NDNF: variants seen among roughly 807,000 people sequenced by gnomAD.
NDNF encodes protein NDNF.
Under a neutral mutation model 42.0 loss-of-function variants are expected in NDNF, and 16 were observed. The ratio of observed to expected loss-of-function variants is 0.38; its 90% confidence interval spans 0.26 to 0.58. The LOEUF is 0.58. Among genes scored for constraint, NDNF ranks in the 20% least tolerant of loss-of-function variants. The pLI is 0.67. For missense variants in NDNF, 616 were observed against 666.2 expected (o/e 0.92, Z 0.83); for synonymous variants, 248 against 251.7 (o/e 0.99, Z 0.14).
chr4:121,065,444 G>GTT (rs1465927234), intron 1 of NDNF, among the ~76,000 whole-genome samples: 1 of 151,902 alleles, frequency 6.6e-6, no homozygotes, highest in Non-Finnish European at 1.5e-5. Context: ...ACCTTCGATT[G>GTT]TTTAAAAGAG....
chr4:121,042,364 T>G (rs576386470), intron 2 of NDNF, among the ~76,000 whole-genome samples: 3 of 152,162 alleles, frequency 2.0e-5, no homozygotes, highest in South Asian at 2.1e-4. Flanking sequence ...TACAAGTACT[T>G]CCCCCAGCCA....
chr4:121,040,114 C>T lies in NDNF; in HGVS notation c.189-60G>A, dbSNP rs1234277777. 4.0e-6 allele frequency: 6 copies of T among 1,491,954 alleles called. No homozygotes were observed. The African/African-American group carries it at 8.6e-5, about 21-fold the overall frequency. The allele number at this position is 1,491,954 out of a possible 1,614,324, so 92.4% of individuals were successfully genotyped here. ...TTCTTTCTAACATTTACAATCAAGA[C>T]TTACCAGAAAAATCATTTGGTTTTA... On this transcript the variant is annotated intron_variant, in intron 2 of 3. Coordinates refer to ENST00000379692, the MANE Select transcript of NDNF (RefSeq NM_024574.4).
rs981840975 is a variant in NDNF at position 121,040,000 on chromosome 4, G to T, written c.243C>A (p.Pro81=). 3 of 1,613,932 alleles carry T rather than the reference G, an allele frequency of 1.9e-6. No homozygotes were observed. In the African/African-American group the frequency reaches 4.0e-5, roughly 22 times the overall value. ...DNTPLSVTVT[P]CDAPLEWKLS... ...GCTTCCACTCCAAAGGCGCATCACA[G>T]GGCGTCACTGTGACTGATAATGGAG... Residue 81 remains proline, a synonymous_variant, in exon 3 of 4, where the codon CCC becomes CCA. Transcript: ENST00000379692.
chr4:121,069,912 A>G (rs1727561058), intron 1 of NDNF, among the ~76,000 whole-genome samples: 2 of 152,236 alleles, frequency 1.3e-5, no homozygotes, highest in Admixed American at 1.3e-4. Context: ...ATATAGGTTT[A>G]GATTGAAAAT....
At position 121,036,632 on chromosome 4, in the gene NDNF, G is replaced by A; in HGVS notation, c.1339C>T (p.Leu447Phe). 2 of 1,614,186 alleles carry A rather than the reference G, an allele frequency of 1.2e-6. No individual in the cohort carries two copies. Among genetic ancestry groups the A allele is most frequent in the South Asian group, 2.2e-5 (2 of 91,080 alleles). ...TRPTKQSFPS[L>F]PEDTRIKAFD... is the part of the protein sequence containing the mutation. ...GCTTTGATTCTTGTGTCTTCAGGAA[G>A]AGAGGGAAATGACTGCTTAGTAGGC... Residue 447 changes from leucine to phenylalanine, a missense_variant, in exon 4 of 4, where the codon CTT becomes TTT. Leu to Phe is a conservative substitution (Grantham distance 22). Coordinates refer to ENST00000379692, the MANE Select transcript of NDNF (RefSeq NM_024574.4).
chr4:121,043,920 G>A (rs1196587007), intron 2 of NDNF, among the ~76,000 whole-genome samples: 1 of 152,202 alleles, frequency 6.6e-6, no homozygotes, highest in Non-Finnish European at 1.5e-5. Context: ...TGACTGCTTT[G>A]TATGCCTTTT....
chr4:121,046,041 A>G (rs1727086395), intron 1 of NDNF, among the ~76,000 whole-genome samples: 1 of 152,198 alleles, frequency 6.6e-6, no homozygotes, highest in Non-Finnish European at 1.5e-5. Flanking sequence ...AAATAAATTC[A>G]CTAGAATTTC....
intron 3 of NDNF, 106 bp downstream of exon 3, chr4:121,039,824 T>G (rs1726964740): frequency 7.7e-7 from 1 of 1,305,178 alleles, no homozygotes; most frequent in Non-Finnish European, 1.0e-6. Context: ...GATTCACTTG[T>G]GCACCCATGC....
intron 1 of NDNF, among the ~76,000 whole-genome samples, chr4:121,046,853 T>C (rs1316899585): frequency 7.2e-5 from 11 of 152,188 alleles, no homozygotes; most frequent in Admixed American, 6.5e-4. Context: ...GGTAGGCAAG[T>C]TCCTTGACAT....
chr4:121,048,667 G>A (rs1158582807), intron 1 of NDNF, among the ~76,000 whole-genome samples: 1 of 152,018 alleles, frequency 6.6e-6, no homozygotes, highest in Non-Finnish European at 1.5e-5. Context: ...GCAAAACCCC[G>A]TCTCTACTAA....
chr4:121,064,486 G>A (rs1727466935), intron 1 of NDNF, among the ~76,000 whole-genome samples: 1 of 152,042 alleles, frequency 6.6e-6, no homozygotes, highest in African/African-American at 2.4e-5. Context: ...ATGTTGGATG[G>A]AACTTTTTAA....
At position 121,036,582 on chromosome 4, in the gene NDNF, G is replaced by A. The variant is rs746734949; in HGVS notation, c.1389C>T (p.Ser463=). The A allele has an allele frequency of 5.0e-6, 8 of 1,613,998 alleles. No individual in the cohort carries two copies. The Admixed American group carries it at 5.0e-5, about 10-fold the overall frequency. ...TGCCTAGCCAAGCCACGGTGGCTGAGGAACAGGTACGGAGCTTGTCAAAGG... is the reference window on the plus strand; with the variant it reads ...TGCCTAGCCAAGCCACGGTGGCTGAAGAACAGGTACGGAGCTTGTCAAAGG... ...IKAFDKLRTC[S]SATVAWLGTQ... is the part of the protein sequence containing the mutation. Residue 463 remains serine, a synonymous_variant, in exon 4 of 4, where the codon TCC becomes TCT. Transcript: ENST00000379692.
intron 1 of NDNF, among the ~76,000 whole-genome samples, chr4:121,046,126 C>A (rs1162150716): frequency 1.3e-5 from 2 of 152,162 alleles, no homozygotes; most frequent in Non-Finnish European, 2.9e-5. Context: ...AGAAAATCCT[C>A]ACTTCATTAC....
chr4:121,046,555 T>C (rs1727096937), intron 1 of NDNF, among the ~76,000 whole-genome samples: 1 of 152,232 alleles, frequency 6.6e-6, no homozygotes, highest in African/African-American at 2.4e-5. Flanking sequence ...TTAGTTGTTA[T>C]CAGGTACCAG....
At chr4:121,051,146 G>A (rs1579315479) in intron 1 of NDNF, among the ~76,000 whole-genome samples, 2 of 152,206 alleles carry the variant, frequency 1.3e-5, no homozygotes, top group Middle Eastern at 6.8e-3. Flanking sequence ...CCACTTTCTT[G>A]CGAGCAGGTA....
At chr4:121,043,458 A>G (rs1490486496) in intron 2 of NDNF, among the ~76,000 whole-genome samples, 3 of 152,202 alleles carry the variant, frequency 2.0e-5, no homozygotes, top group Non-Finnish European at 2.9e-5. Context: ...TTACTAGTGT[A>G]TGTTAACATT....
chr4:121,056,596 A>G (rs563087351), intron 1 of NDNF, among the ~76,000 whole-genome samples: 2 of 152,354 alleles, frequency 1.3e-5, no homozygotes, highest in African/African-American at 4.8e-5. Flanking sequence ...CTAAAAAACT[A>G]TCAATCATTT....
At chr4:121,037,747 C>T (rs368016814) in intron 3 of NDNF, 90 bp from the exon 4 acceptor site, 28 of 897,646 alleles carry the variant, frequency 3.1e-5, no homozygotes, top group African/African-American at 1.2e-4. Flanking sequence ...ATTTTTTCTC[C>T]GTTATGAAAA....
At chr4:121,063,456 C>A (rs115101954) in intron 1 of NDNF, among the ~76,000 whole-genome samples, 1,991 of 152,258 alleles carry the variant, frequency 0.013, 51 homozygotes, top group African/African-American at 0.045. Context: ...CATAAACACA[C>A]ACACACACAC....
Sources: gnomAD v4.1 joint callset for allele counts (sites outside exome capture counted in the v4.1 genomes callset) on GRCh38, gnomAD v4.1.1 for gene constraint, MANE v1.5 for transcripts, NCBI Gene and HGNC (gene_info 2026-07-23, HGNC 2026-07-21) for gene names.